The following E4F1 variants were observed in gnomAD, a reference collection of about 807,000 sequenced individuals.
The protein encoded by E4F1 is E4F transcription factor 1.
Under a neutral mutation model 72.9 loss-of-function variants are expected in E4F1, and 30 were observed. The ratio of observed to expected loss-of-function variants is 0.41; its 90% confidence interval spans 0.31 to 0.56. The LOEUF is 0.56. Among genes scored for constraint, E4F1 ranks in the 20% least tolerant of loss-of-function variants. The pLI is 0.25. For synonymous variants in E4F1, 542 were observed against 478.2 expected, an observed-to-expected ratio of 1.13 and a Z score of -1.74; for missense variants, 1,091 against 1,117.5, an observed-to-expected ratio of 0.98 and a Z score of 0.34.
intron 1 of E4F1, 52 bp downstream of exon 1, chr16:2,223,822 G>GGCTGGCAGAGGCCCGGATGGCCCGA: frequency 1.3e-6 from 2 of 1,532,568 alleles, no homozygotes; most frequent in Non-Finnish European, 8.7e-7. Context: ...GTTCATCCCG[G>GGCTGGCAGAGGCCCGGATGGCCCGA]GCTGGCAGAG....
At chr16:2,225,245 G>A (rs1005688444) in intron 1 of E4F1, among the ~76,000 whole-genome samples, 1 of 152,060 alleles carries the variant, frequency 6.6e-6, no homozygotes, top group Admixed American at 6.6e-5. Flanking sequence ...CATGTGCCGA[G>A]AGCAGTGTTG....
rs1041672638 is a variant in E4F1, at chr16:2,235,560, G to T, written c.2343G>T (p.Thr781=). ...ASPEGQLEVQ[T]VIV The stretch of plus-strand genomic sequence containing the variant: ...CGGAGGGCCAGCTGGAGGTGCAGAC[G>T]GTCATCGTCTAGCATGAGGTCTGCG... The change falls in exon 14 of 14, where the codon ACG becomes ACT. Residue 781 remains threonine (T), a synonymous_variant. Transcript: ENST00000301727. 2 of 1,596,212 alleles carry T rather than the reference G, an allele frequency of 1.3e-6. No homozygotes were observed. The highest frequency in any genetic ancestry group is 1.7e-6 in the Non-Finnish European group (2 of 1,168,912).
At chr16:2,228,902 G>T (rs564766796) in intron 2 of E4F1, among the ~76,000 whole-genome samples, 1 of 152,166 alleles carries the variant, frequency 6.6e-6, no homozygotes, top group East Asian at 1.9e-4. Context: ...GTGTGGCCCT[G>T]GGGGGTCCCG....
chr16:2,233,444 G>A lies in E4F1; in HGVS notation c.1063G>A (p.Val355Ile), dbSNP rs59784157. 4,342 of 1,509,534 alleles carry A rather than the reference G, an allele frequency of 2.9e-3. 89 individuals are homozygous for A. The African/African-American group carries it at 0.05, about 17-fold the overall frequency. 93.5% of individuals were successfully genotyped at this position (1,509,534 alleles called of 1,614,324 possible). ...GMKALAPEPP[V>I]SQELPCSSEG... is the part of the protein sequence containing the mutation. ...CTCTCTGCCTCCCCTGCAGCCCCCC[G>A]TCTCCCAGGAGCTCCCCTGCTCCAG... The change falls in exon 8 of 14, where the codon GTC becomes ATC. Residue 355 changes from valine (V) to isoleucine (I), a missense_variant. This residue lies in a region of E4F1 where 622 missense variants were observed against 628.0 expected (regional missense o/e 0.99). Coordinates refer to ENST00000301727, the MANE Select transcript of E4F1 (RefSeq NM_004424.5).
intron 5 of E4F1, 26 bp downstream of exon 5, chr16:2,232,602 A>G (rs1330800588): frequency 1.2e-6 from 2 of 1,610,244 alleles, no homozygotes; most frequent in Non-Finnish European, 1.7e-6. Context: ...CTCGGGCTGG[A>G]GCCCGGTAGC....
chr16:2,223,680 CG>C lies in E4F1; in HGVS notation c.70del (p.Glu24LysfsTer159). On this transcript the variant is annotated frameshift_variant, in exon 1 of 14. Coordinates refer to ENST00000301727, the MANE Select transcript of E4F1 (RefSeq NM_004424.5). LOFTEE classifies it high-confidence loss of function. The stretch of plus-strand genomic sequence containing the variant: ...GGCAGAAGCCCAGGCCGAAGCCGGG[CG>C]GGAAGCGGGCGAGGGTGCAGTTGCG... ...HTAEAQAEAGREAGEGAVAAV... is the reference protein window; with the variant it reads ...HTAEAQAEAGXEAGEGAVAAV... 6.3e-7 allele frequency: 1 copy of C among 1,579,386 alleles called. No individual in the cohort carries two copies. Among genetic ancestry groups the C allele is most frequent in the Non-Finnish European group, 8.5e-7 (1 of 1,170,704 alleles).
At position 2,233,730 on chromosome 16, in the gene E4F1, T is replaced by C. The variant is rs2093483837; in HGVS notation, c.1266+83T>C. The C allele has an allele frequency of 8.2e-6, 12 of 1,469,316 alleles. No individual in the cohort carries two copies. The South Asian group carries it at 1.5e-4, about 19-fold the overall frequency. 91.0% of individuals were successfully genotyped at this position (1,469,316 alleles called of 1,614,324 possible). On this transcript the variant is annotated intron_variant, in intron 8 of 13. Transcript: ENST00000301727. ...CACGCTGGCCTTCGCCTCCCTGAAG[T>C]GGCTTTCTGCAGTGACTTTGTCCAT...
chr16:2,233,026 C>T lies in E4F1; in HGVS notation c.899C>T (p.Ala300Val), dbSNP rs375309480. Reference sequence around the variant, plus strand: ...CACCTTGAAGGTTCTGGAGCTGGAGCTGCCGGCTTGGGGACAGCCACATCA... The same window carrying T: ...CACCTTGAAGGTTCTGGAGCTGGAGTTGCCGGCTTGGGGACAGCCACATCA... ...EDARAGSGAG[A>V]AGLGTATSSV... The change falls in exon 7 of 14, where the codon GCT becomes GTT. Residue 300 changes from alanine to valine, a missense_variant. Ala to Val is a moderately conservative substitution (Grantham distance 64, BLOSUM62 0). This residue lies in a region of E4F1 where 101 missense variants were observed against 97.4 expected (regional missense o/e 1.04). Coordinates refer to ENST00000301727, the MANE Select transcript of E4F1 (RefSeq NM_004424.5). 2 of 1,608,252 alleles carry T rather than the reference C, an allele frequency of 1.2e-6. No homozygotes were observed. The highest frequency in any genetic ancestry group is 1.7e-5 in the Admixed American group (1 of 59,912).
At chr16:2,231,752 T>G in intron 3 of E4F1, 1 of 171,872 alleles carries the variant, frequency 5.8e-6, no homozygotes, top group Non-Finnish European at 1.3e-5. Context: ...GATGGAAGAG[T>G]GGCCCCGGAC....
rs183233336 is a variant in E4F1 at position 2,235,318 on chromosome 16, C to T, written c.2101C>T (p.Leu701=). 245 of 1,610,986 alleles carry T rather than the reference C, an allele frequency of 1.5e-4. No homozygotes were observed. Among genetic ancestry groups the T allele is most frequent in the Non-Finnish European group, 2.0e-4 (231 of 1,179,924 alleles). The change falls in exon 14 of 14, where the codon CTG becomes TTG. Residue 701 remains leucine (L), a synonymous_variant. Transcript: ENST00000301727. The stretch of plus-strand genomic sequence containing the variant: ...CGTCACCATGGACGAGGAGACGGCG[C>T]TGGGCCCAGAGGCGGCTGCCGCCGA... ...QNVTMDEETA[L]GPEAAAADTI...
At chr16:2,226,770 G>A (rs914246575) in intron 1 of E4F1, among the ~76,000 whole-genome samples, 2 of 152,210 alleles carry the variant, frequency 1.3e-5, no homozygotes, top group South Asian at 2.1e-4. Context: ...ATTTGGTGAC[G>A]TCCCCAGTGA....
At position 2,233,066 on chromosome 16, in the gene E4F1, G is replaced by C; in HGVS notation, c.939G>C (p.Glu313Asp). The C allele has an allele frequency of 3.7e-6, 6 of 1,612,366 alleles. No homozygotes were observed. The highest frequency in any genetic ancestry group is 5.1e-6 in the Non-Finnish European group (6 of 1,179,312). Reference protein sequence around the residue: ...LGTATSSVTGEPIETSPVIHL... With the variant: ...LGTATSSVTGDPIETSPVIHL... ...CAGCCACATCATCGGTGACAGGCGAGCCTATAGAGACTTCACCCGTGATTC... is the reference window on the plus strand; with the variant it reads ...CAGCCACATCATCGGTGACAGGCGACCCTATAGAGACTTCACCCGTGATTC... The change falls in exon 7 of 14, where the codon GAG (glutamate) becomes GAC (aspartate). Residue 313 changes from glutamate to aspartate, a missense_variant. This residue lies in a region of E4F1 where 101 missense variants were observed against 97.4 expected (regional missense o/e 1.04). Transcript: ENST00000301727.
At chr16:2,228,152 G>A (rs1289995668) in intron 1 of E4F1, 1 of 615,208 alleles carries the variant, frequency 1.6e-6, no homozygotes, top group Non-Finnish European at 2.9e-6. Flanking sequence ...CTGACCTCCT[G>A]AGGGTGGGTC....
In E4F1 at chr16:2,232,710, G is replaced by T. The variant is rs757045675; in HGVS notation, c.731-46G>T. On this transcript the variant is annotated intron_variant, in intron 5 of 13. Coordinates refer to ENST00000301727, the MANE Select transcript of E4F1 (RefSeq NM_004424.5). ...CCTGCCTTCGCCTTGTCACCTTGTC[G>T]CCAGCCTGCTGGGGCTGCCCGGGGC... 2.5e-6 allele frequency: 4 copies of T among 1,610,210 alleles called. No homozygotes were observed. In the Admixed American group the frequency reaches 5.0e-5, roughly 20 times the overall value.
In E4F1 at chr16:2,224,305, G is replaced by A. The variant is rs540822546; in HGVS notation, c.157+535G>A. Among the ~76,000 whole-genome samples, 7 of 152,354 alleles carry A rather than the reference G, an allele frequency of 4.6e-5. No homozygotes were observed. In the South Asian group the frequency reaches 1.2e-3, roughly 27 times the overall value. ...CACACTTGCCGCTTTCTAGTTCTTT[G>A]ATCCTGGGTAGGTGACCCTACCTCT... On this transcript the variant is annotated intron_variant, in intron 1 of 13. Transcript: ENST00000301727.
rs763977249 is a variant in E4F1 at position 2,223,626 on chromosome 16, A to C, written c.13A>C (p.Met5Leu). Reference protein sequence around the residue: MEGAMAVRVTAAHTA... With the variant: MEGALAVRVTAAHTA... Reference sequence around the variant, plus strand: ...GGCGCGTTGCGACATGGAGGGCGCGATGGCAGTGCGGGTGACGGCCGCTCA... The same window carrying C: ...GGCGCGTTGCGACATGGAGGGCGCGCTGGCAGTGCGGGTGACGGCCGCTCA... The change falls in exon 1 of 14, where the codon ATG (methionine) becomes CTG (leucine). Residue 5 changes from methionine (M) to leucine (L), a missense_variant. Coordinates refer to ENST00000301727, the MANE Select transcript of E4F1 (RefSeq NM_004424.5). 1.6e-5 allele frequency: 26 copies of C among 1,589,592 alleles called. No homozygotes were observed. Among genetic ancestry groups the C allele is most frequent in the Non-Finnish European group, 2.2e-5 (26 of 1,173,584 alleles).
In E4F1 at chr16:2,228,354, A is replaced by T; in HGVS notation, c.158-18A>T. Reference sequence around the variant, plus strand: ...GCCTCCGCCTTCCCAGGCCCTGCTGACAGCAGGCTCGTTGCAGATGAGGAC... The same window carrying T: ...GCCTCCGCCTTCCCAGGCCCTGCTGTCAGCAGGCTCGTTGCAGATGAGGAC... On this transcript the variant is annotated intron_variant, in intron 1 of 13. Coordinates refer to ENST00000301727, the MANE Select transcript of E4F1 (RefSeq NM_004424.5). 1 of 1,613,480 alleles carries T rather than the reference A, an allele frequency of 6.2e-7. No individual in the cohort carries two copies. Among genetic ancestry groups the T allele is most frequent in the Non-Finnish European group, 8.5e-7 (1 of 1,179,942 alleles).
At chr16:2,223,916 C>A in intron 1 of E4F1, 146 bp downstream of exon 1, 1 of 1,531,208 alleles carries the variant, frequency 6.5e-7, no homozygotes, top group Non-Finnish European at 8.7e-7. Context: ...CACAGCCCTC[C>A]ACGAAACCCC....
In E4F1 at chr16:2,235,112, C is replaced by A; in HGVS notation, c.1967C>A (p.Ala656Asp). 1 of 1,612,398 alleles carries A rather than the reference C, an allele frequency of 6.2e-7. No homozygotes were observed. Reference sequence around the variant, plus strand: ...GCGGACGATGCGGAGACCAGTGAGGCCACGGAGATCATCGAGGGCACCCAG... The same window carrying A: ...GCGGACGATGCGGAGACCAGTGAGGACACGGAGATCATCGAGGGCACCCAG... ...ATADDAETSE[A>D]TEIIEGTQTE... The change falls in exon 13 of 14, where the codon GCC becomes GAC. Residue 656 changes from alanine to aspartate, a missense_variant. Ala to Asp is a moderately radical substitution (Grantham distance 126, BLOSUM62 -2). Transcript: ENST00000301727.
Sources: gnomAD v4.1 joint callset for allele counts (sites outside exome capture counted in the v4.1 genomes callset) on GRCh38, gnomAD v4.1.1 for gene constraint, gnomAD v4.1.1 regional missense constraint, MANE v1.5 for transcripts, NCBI Gene and HGNC (gene_info 2026-07-23, HGNC 2026-07-21) for gene names.